The following NR5A2 variants were observed in gnomAD, a reference collection of about 807,000 sequenced individuals.
NR5A2 encodes the protein CYP7A promoter-binding factor.
NR5A2 carries 26 observed loss-of-function variants against 62.7 expected under a neutral mutation model. The ratio of observed to expected loss-of-function variants is 0.41; its 90% CI spans 0.30 to 0.58. The LOEUF is 0.58. Ranked by LOEUF, NR5A2 falls within the 20% of genes least tolerant of loss-of-function variation. The probability of loss-of-function intolerance (pLI) is 0.22; values close to 1 mark genes in which losing one functional copy is unlikely to be tolerated. For synonymous variants in NR5A2, 246 were observed against 241.7 expected, an observed-to-expected ratio of 1.02 and a Z score of -0.16; for missense variants, 541 against 669.1, an observed-to-expected ratio of 0.81 and a Z score of 2.11.
chr1:200,120,940 G>T lies in NR5A2; in HGVS notation c.1363G>T (p.Val455Leu). Residue 455 changes from valine (V) to leucine (L), a missense_variant, in exon 7 of 8, where the codon GTG (valine) becomes TTG (leucine). Coordinates refer to ENST00000367362, the MANE Select transcript of NR5A2 (RefSeq NM_205860.3). ...QREFVCLKFL[V>L]LFSLDVKNLE... is the part of the protein sequence containing the mutation. ...AGAGTTCGTATGTCTGAAATTCTTG[G>T]TGCTCTTTAGTTTAGGTAAGAAATC... The T allele has an allele frequency of 1.2e-6, 2 of 1,613,766 alleles. No homozygotes were observed. The highest frequency in any genetic ancestry group is 1.7e-6 in the Non-Finnish European group (2 of 1,179,870).
intron 6 of NR5A2, among the ~76,000 whole-genome samples, chr1:200,112,832 C>G (rs1411417729): frequency 6.6e-6 from 1 of 152,174 alleles, no homozygotes; most frequent in Non-Finnish European, 1.5e-5. Flanking sequence ...CTTCACCGAA[C>G]TAGGAGCTGC....
rs1662490312 is a variant in NR5A2 at position 200,048,624 on chromosome 1, C to T, written c.916C>T (p.Leu306=). The T allele has an allele frequency of 6.2e-7, 1 of 1,614,172 alleles. No individual in the cohort carries two copies. The highest frequency in any genetic ancestry group is 8.5e-7 in the Non-Finnish European group (1 of 1,180,036). ...TCCAGCAAGCATCCCACATCTGATA[C>T]TGGAACTTTTGAAGTGTGAGCCAGA... The part of the protein sequence containing the change: ...SSPASIPHLI[L]ELLKCEPDEP... The change falls in exon 5 of 8, where the codon CTG becomes TTG. Residue 306 remains leucine (L), a synonymous_variant. Coordinates refer to ENST00000367362, the MANE Select transcript of NR5A2 (RefSeq NM_205860.3). This position sits in a 1 kb window ranked among gnomAD's most constrained non-coding sequence, Gnocchi z 4.8.
At chr1:200,091,713 G>C (rs1287456997) in intron 5 of NR5A2, among the ~76,000 whole-genome samples, 1 of 152,042 alleles carries the variant, frequency 6.6e-6, no homozygotes, top group East Asian at 1.9e-4. Flanking sequence ...TTGATCTCCT[G>C]ACCTCGTGAT....
chr1:200,048,767 C>A lies in NR5A2; in HGVS notation c.1059C>A (p.Leu353=). The A allele has an allele frequency of 6.2e-6, 10 of 1,614,214 alleles. No individual in the cohort carries two copies. The highest frequency in any genetic ancestry group is 8.5e-6 in the Non-Finnish European group (10 of 1,180,038). Residue 353 remains leucine, a synonymous_variant, in exon 5 of 8, where the codon CTC becomes CTA. Transcript: ENST00000367362. The surrounding 1 kb of genome is among the most constrained non-coding windows in gnomAD (Gnocchi z 4.8). ...GLMCKMADQT[L]FSIVEWARSS... The stretch of plus-strand genomic sequence containing the variant: ...TGTGCAAAATGGCAGATCAAACTCT[C>A]TTCTCCATTGTCGAGTGGGCCAGGA...
intron 5 of NR5A2, among the ~76,000 whole-genome samples, chr1:200,063,056 T>TTC: frequency 6.6e-6 from 1 of 151,378 alleles, no homozygotes; most frequent in East Asian, 1.9e-4. Flanking sequence ...TGGAGTCTCA[T>TTC]TCTGTCACCC....
rs5780009 is a variant in NR5A2, at chr1:200,095,129, GAAAAAA to G, written c.1111-16064_1111-16059del. 4.1e-4 allele frequency among the ~76,000 whole-genome samples: 61 copies of G among 148,016 alleles called. 1 individual carries two copies. Among genetic ancestry groups the G allele is most frequent in the Non-Finnish European group, 8.5e-4 (57 of 66,772 alleles). On this transcript the variant is annotated intron_variant, in intron 5 of 7. Transcript: ENST00000367362. The stretch of plus-strand genomic sequence containing the variant: ...CATCTGACCTCCTTTTTAATAAAAA[GAAAAAA>G]AAAAAAAAGATCTCACTGTTTCCCG...
Position 200,174,372 on chromosome 1 carries a change from ATACT to A in NR5A2, c.*165_*168del. On this transcript the variant is annotated 3_prime_UTR_variant, in exon 8 of 8. Transcript: ENST00000367362. Reference sequence around the variant, plus strand: ...GAATTTAAAAAGGCATAATAATCAAATACTTAATAGCAAATAAATGATGTATCAG... The same window carrying A: ...GAATTTAAAAAGGCATAATAATCAAATAATAGCAAATAAATGATGTATCAG... 6.2e-6 allele frequency: 4 copies of A among 644,816 alleles called. No individual in the cohort carries two copies. Among genetic ancestry groups the A allele is most frequent in the Non-Finnish European group, 9.3e-6 (4 of 431,506 alleles). The allele number at this position is 644,816 out of a possible 1,614,324, so 39.9% of individuals were successfully genotyped here.
rs143306216 is a variant in NR5A2, at chr1:200,163,736, T to A, written c.1379-10227T>A. ...GTCAAGAGATCCTCCAGCCTTGGCC[T>A]GCCAAAGTGCTGGGATTACAAGCGT... On this transcript the variant is annotated intron_variant, in intron 7 of 7. Coordinates refer to ENST00000367362, the MANE Select transcript of NR5A2 (RefSeq NM_205860.3). Among the ~76,000 whole-genome samples, 959 of 152,280 alleles carry A rather than the reference T, an allele frequency of 6.3e-3. 10 individuals are homozygous for A. The highest frequency in any genetic ancestry group is 0.022 in the African/African-American group (901 of 41,564).
chr1:200,073,487 G>A (rs1436194328), intron 5 of NR5A2, among the ~76,000 whole-genome samples: 1 of 151,512 alleles, frequency 6.6e-6, no homozygotes, highest in African/African-American at 2.4e-5. Context: ...AACCTCCCAT[G>A]TACTTTAAAT....
intron 5 of NR5A2, among the ~76,000 whole-genome samples, chr1:200,093,158 C>T (rs1558133197): frequency 1.3e-5 from 2 of 152,228 alleles, no homozygotes; most frequent in South Asian, 4.2e-4. Context: ...CCCATCTCAG[C>T]CTCCCAAAGT....
At chr1:200,043,422 C>T (rs1006257796) in intron 2 of NR5A2, among the ~76,000 whole-genome samples, 9 of 152,212 alleles carry the variant, frequency 5.9e-5, no homozygotes, top group Non-Finnish European at 1.2e-4. Flanking sequence ...TGGAATTTAA[C>T]TTCATAGGGA....
chr1:200,133,259 G>T (rs1193966549), intron 7 of NR5A2, among the ~76,000 whole-genome samples: 1 of 151,938 alleles, frequency 6.6e-6, no homozygotes, highest in Non-Finnish European at 1.5e-5. Context: ...CATGCTGCAT[G>T]CTGGGTACCC....
At chr1:200,160,563 C>T (rs908341075) in intron 7 of NR5A2, among the ~76,000 whole-genome samples, 6 of 152,088 alleles carry the variant, frequency 3.9e-5, no homozygotes, top group Non-Finnish European at 8.8e-5. Flanking sequence ...AGTTTGAAAT[C>T]AAATAATTAA....
chr1:200,039,816 G>A lies in NR5A2; in HGVS notation c.202+21G>A, dbSNP rs773503595. ...GCAAGGTAAGGAGGCGCCGCGCGGC[G>A]CTCCGGCTCCCGCTGCTTCCCCACC... On this transcript the variant is annotated intron_variant, in intron 2 of 7. Coordinates refer to ENST00000367362, the MANE Select transcript of NR5A2 (RefSeq NM_205860.3). The surrounding 1 kb of genome is among the most constrained non-coding windows in gnomAD (Gnocchi z 5.1). The A allele has an allele frequency of 1.2e-5, 19 of 1,586,294 alleles. No homozygotes were observed. In the South Asian group the frequency reaches 1.3e-4, roughly 11 times the overall value.
chr1:200,145,468 T>TTGTGTGTGTGTGTGTG (rs66885184), intron 7 of NR5A2, among the ~76,000 whole-genome samples: 63 of 142,208 alleles, frequency 4.4e-4, no homozygotes, highest in African/African-American at 1.5e-3. Flanking sequence ...TTGATAGAAT[T>TTGTGTGTGTGTGTGTG]TGTGTGTGTG....
rs761691916 is a variant in NR5A2, at chr1:200,057,487, C to CT, written c.1110+8678dup. 6.2e-3 allele frequency: 1,374 copies of CT among 222,440 alleles called. 14 individuals carry two copies. Among genetic ancestry groups the CT allele is most frequent in the African/African-American group, 0.026 (1,087 of 41,902 alleles). 13.8% of individuals were successfully genotyped at this position (222,440 alleles called of 1,614,324 possible). Reference sequence around the variant, plus strand: ...AAAGTTTGCTAAATCAATTTTTTTTCTTTTTTTTTGAGACAGGGTCTCACT... The same window carrying CT: ...AAAGTTTGCTAAATCAATTTTTTTTCTTTTTTTTTTGAGACAGGGTCTCACT... On this transcript the variant is annotated intron_variant, in intron 5 of 7. Transcript: ENST00000367362.
intron 5 of NR5A2, among the ~76,000 whole-genome samples, chr1:200,096,933 G>C (rs898352240): frequency 2.0e-5 from 3 of 152,126 alleles, no homozygotes; most frequent in African/African-American, 7.2e-5. Flanking sequence ...ACTCTCTGCT[G>C]TTCACACAAG....
intron 7 of NR5A2, among the ~76,000 whole-genome samples, chr1:200,149,826 G>T (rs977297073): frequency 3.3e-5 from 5 of 152,118 alleles, no homozygotes; most frequent in African/African-American, 1.2e-4. Context: ...TGCCTATAAT[G>T]ATTTCACCAA....
chr1:200,159,662 TTA>T (rs978319814), intron 7 of NR5A2, among the ~76,000 whole-genome samples: 1 of 149,534 alleles, frequency 6.7e-6, no homozygotes, highest in African/African-American at 2.5e-5. Context: ...ATTATTATTA[TTA>T]TTTTTGAGAC....
Sources: allele counts gnomAD v4.1 joint callset (sites outside exome capture counted in the v4.1 genomes callset), GRCh38; gene constraint gnomAD v4.1.1; non-coding constraint Gnocchi (gnomAD v3.1); transcripts MANE v1.5; gene names NCBI Gene and HGNC (gene_info 2026-07-23, HGNC 2026-07-21).